Variants in SLIT2 observed in about 807,000 individuals in gnomAD.
SLIT2 encodes slit homolog 2 protein.
Under a neutral mutation model 185.7 loss-of-function variants are expected in SLIT2, and 41 were observed. That is an observed-to-expected ratio of 0.22 (90% CI 0.17 to 0.29). The LOEUF (loss-of-function observed/expected upper bound fraction) is 0.29, where lower values mean the gene tolerates loss of function less well. SLIT2 is among the 10% of genes least tolerant of loss of function. SLIT2 has a pLI of 1.00. For synonymous variants in SLIT2, 693 were observed against 680.2 expected (o/e 1.02, Z -0.29); for missense variants, 1,571 against 1,909.0 (o/e 0.82, Z 3.30).
chr4:20,614,062 G>A (rs369638150), intron 34 of SLIT2, among the ~76,000 whole-genome samples: 5 of 151,932 alleles, frequency 3.3e-5, no homozygotes, highest in Non-Finnish European at 5.9e-5. Context: ...TAGTAGAGAC[G>A]GGGTTTCATC....
At chr4:20,405,308 G>A (rs901027859) in intron 4 of SLIT2, among the ~76,000 whole-genome samples, 13 of 151,818 alleles carry the variant, frequency 8.6e-5, no homozygotes, top group African/African-American at 2.9e-4. Context: ...GCTTCCCTTT[G>A]GATTGTATTT....
At chr4:20,520,033 C>CA (rs34644308) in intron 12 of SLIT2, among the ~76,000 whole-genome samples, 29,655 of 68,388 alleles carry the variant, frequency 0.43, 7,199 homozygotes, top group Middle Eastern at 0.56. Flanking sequence ...GACTCCGTCT[C>CA]AAAAAAAAAA....
intron 26 of SLIT2, among the ~76,000 whole-genome samples, chr4:20,554,977 C>A (rs1436817695): frequency 1.3e-5 from 2 of 152,042 alleles, no homozygotes; most frequent in Non-Finnish European, 1.5e-5. Context: ...ACCATGTTGG[C>A]CAGGCTGGTC....
chr4:20,537,073 T>C (rs1457707587), intron 18 of SLIT2, among the ~76,000 whole-genome samples: 3 of 152,208 alleles, frequency 2.0e-5, no homozygotes, highest in Non-Finnish European at 4.4e-5. Flanking sequence ...AGGACCTGCC[T>C]GAGGCTGTTT....
intron 29 of SLIT2, among the ~76,000 whole-genome samples, chr4:20,576,311 G>A (rs1369158639): frequency 6.6e-6 from 1 of 152,134 alleles, no homozygotes; most frequent in Non-Finnish European, 1.5e-5. Flanking sequence ...AGTATTGTCT[G>A]TCTTTATTAT....
chr4:20,336,433 A>C (rs937237371), intron 4 of SLIT2, among the ~76,000 whole-genome samples: 1 of 152,206 alleles, frequency 6.6e-6, no homozygotes, highest in East Asian at 1.9e-4. Flanking sequence ...TCGCAAGAAC[A>C]GAAAACCTAA....
At chr4:20,611,219 G>A (rs559499191) in intron 34 of SLIT2, among the ~76,000 whole-genome samples, 1 of 152,158 alleles carries the variant, frequency 6.6e-6, no homozygotes, top group African/African-American at 2.4e-5. Context: ...AATAACCTAT[G>A]CTACACCATT....
At chr4:20,609,917 C>T (rs866187345) in intron 33 of SLIT2, 96 bp from the exon 34 acceptor site, 3 of 1,203,608 alleles carry the variant, frequency 2.5e-6, no homozygotes, top group Middle Eastern at 2.5e-4. Flanking sequence ...ATTGCCATCT[C>T]TTTTCCCAAG....
chr4:20,396,071 A>G (rs1418563218), intron 4 of SLIT2, among the ~76,000 whole-genome samples: 1 of 151,944 alleles, frequency 6.6e-6, no homozygotes, highest in Non-Finnish European at 1.5e-5. Flanking sequence ...ATCCAGGTAC[A>G]TACCTTGGAA....
At chr4:20,270,228 G>A (rs543256032) in intron 4 of SLIT2, among the ~76,000 whole-genome samples, 6 of 151,980 alleles carry the variant, frequency 3.9e-5, no homozygotes, top group African/African-American at 1.4e-4. Flanking sequence ...TCTAAAAAGG[G>A]CCATAGAATT....
chr4:20,545,934 G>T, intron 21 of SLIT2, 97 bp from the exon 22 acceptor site: 2 of 531,386 alleles, frequency 3.8e-6, no homozygotes, highest in South Asian at 4.3e-5. Flanking sequence ...ATTGCCAAGG[G>T]GTTCCTTGCC....
At position 20,550,901 on chromosome 4, in the gene SLIT2, G is replaced by A; in HGVS notation, c.2561+3G>A. On this transcript the variant is annotated splice_donor_region_variant and intron_variant, in intron 25 of 36. Transcript: ENST00000504154. ...GATCTTTCTGCATTATCACATCTGT[G>A]AGTACCTAGTTTATGAATATAGGTT... 6.4e-7 allele frequency: 1 copy of A among 1,562,608 alleles called. No homozygotes were observed. Among genetic ancestry groups the A allele is most frequent in the South Asian group, 1.1e-5 (1 of 89,754 alleles).
chr4:20,340,680 G>A (rs935573602), intron 4 of SLIT2, among the ~76,000 whole-genome samples: 9 of 152,046 alleles, frequency 5.9e-5, no homozygotes, highest in Admixed American at 5.9e-4. Flanking sequence ...AGTCCACTGC[G>A]AGCTCCGCCT....
intron 4 of SLIT2, among the ~76,000 whole-genome samples, chr4:20,428,514 G>T (rs1284304794): frequency 3.3e-5 from 5 of 152,138 alleles, no homozygotes; most frequent in Non-Finnish European, 5.9e-5. Flanking sequence ...ATACTCAATA[G>T]GAAGATATGC....
At chr4:20,270,150 A>G (rs587032) in intron 4 of SLIT2, among the ~76,000 whole-genome samples, 19,381 of 151,960 alleles carry the variant, frequency 0.13, 1,304 homozygotes, top group Middle Eastern at 0.19. Flanking sequence ...AATAGGGTGT[A>G]GGTTTGCTAT....
chr4:20,337,509 A>G (rs1287565699), intron 4 of SLIT2, among the ~76,000 whole-genome samples: 2 of 152,182 alleles, frequency 1.3e-5, no homozygotes, highest in Non-Finnish European at 2.9e-5. Context: ...GTGGGAATTT[A>G]AGATGAGATT....
intron 36 of SLIT2, among the ~76,000 whole-genome samples, chr4:20,618,267 C>T (rs17544103): frequency 0.047 from 7,179 of 152,228 alleles, 231 homozygotes; most frequent in Non-Finnish European, 0.073. Flanking sequence ...ACAAGAGGAA[C>T]GTGCCCATGG....
chr4:20,312,117 TC>T (rs1428821558), intron 4 of SLIT2, among the ~76,000 whole-genome samples: 1 of 152,212 alleles, frequency 6.6e-6, no homozygotes, highest in Non-Finnish European at 1.5e-5. Context: ...CAGAACAGTT[TC>T]TCAAGAGTTT....
intron 17 of SLIT2, among the ~76,000 whole-genome samples, chr4:20,532,579 T>C (rs1721905522): frequency 6.6e-6 from 1 of 152,196 alleles, no homozygotes; most frequent in Non-Finnish European, 1.5e-5. Flanking sequence ...GGTTACTCCA[T>C]GCCCCTGGGG....
Sources: gnomAD v4.1 joint callset for allele counts (sites outside exome capture counted in the v4.1 genomes callset) on GRCh38, gnomAD v4.1.1 for gene constraint, MANE v1.5 for transcripts, NCBI Gene and HGNC (gene_info 2026-07-23, HGNC 2026-07-21) for gene names.